Variants in PDGFA observed in about 807,000 individuals in gnomAD.
PDGFA encodes platelet derived growth factor subunit A.
In PDGFA, 9 loss-of-function variants were observed where a neutral mutation model predicts 25.6. The ratio of observed to expected loss-of-function variants is 0.35; its 90% CI spans 0.21 to 0.61. PDGFA has a LOEUF of 0.61. PDGFA is among the 20% of genes least tolerant of loss of function. The probability of loss-of-function intolerance (pLI) is 0.75; values close to 1 mark genes in which losing one functional copy is unlikely to be tolerated. For missense variants in PDGFA, 242 were observed against 272.8 expected, an observed-to-expected ratio of 0.89 and a Z score of 0.79; for synonymous variants, 133 against 111.8, an observed-to-expected ratio of 1.19 and a Z score of -1.20.
At chr7:502,599 C>T (rs562902459) in intron 4 of PDGFA, among the ~76,000 whole-genome samples, 1 of 152,334 alleles carries the variant, frequency 6.6e-6, no homozygotes, top group East Asian at 1.9e-4. Context: ...CCTCTTCGGA[C>T]TGGACTTTGC....
Position 505,618 on chromosome 7 carries a change from G to A in PDGFA, c.454-4376C>T, listed in dbSNP as rs895484491. Among the ~76,000 whole-genome samples the A allele has an allele frequency of 2.6e-5, 4 of 152,144 alleles. No homozygotes were observed. In the South Asian group the frequency reaches 6.2e-4, roughly 24 times the overall value. On this transcript the variant is annotated intron_variant, in intron 4 of 5. Transcript: ENST00000402802. The stretch of plus-strand genomic sequence containing the variant: ...ACACCTGACTGGACCGCACGTGCCC[G>A]TCACTGTAACCCTCACAGCTACCCT...
intron 2 of PDGFA, among the ~76,000 whole-genome samples, chr7:514,306 A>C (rs910910239): frequency 6.6e-6 from 1 of 152,158 alleles, no homozygotes; most frequent in Non-Finnish European, 1.5e-5. Context: ...GCCACCCTCT[A>C]GCCCTGGCTT....
In PDGFA at chr7:517,259, G is replaced by T; in HGVS notation, c.160+135C>A. 3.2e-6 allele frequency: 1 copy of T among 308,778 alleles called. No homozygotes were observed. Among genetic ancestry groups the T allele is most frequent in the Non-Finnish European group, 5.8e-6 (1 of 171,128 alleles). 19.1% of individuals were successfully genotyped at this position (308,778 alleles called of 1,614,324 possible). A position where few individuals can be genotyped will look rare whatever the true frequency, so the allele number is the denominator to read the frequency against. Reference sequence around the variant, plus strand: ...AGAGAAACTCCTGACTCATCCGCCCGGGCGCTTATGGCTGGGGATTGGATT... The same window carrying T: ...AGAGAAACTCCTGACTCATCCGCCCTGGCGCTTATGGCTGGGGATTGGATT... On this transcript the variant is annotated intron_variant, in intron 2 of 5. Coordinates refer to ENST00000402802, the Ensembl canonical transcript of PDGFA. This position sits in a 1 kb window ranked among gnomAD's most constrained non-coding sequence, Gnocchi z 7.4.
chr7:510,615 A>G (rs911678206), intron 4 of PDGFA, among the ~76,000 whole-genome samples, 194 bp downstream of exon 4: 165 of 2,360 alleles, frequency 0.07, no homozygotes, highest in Non-Finnish European at 0.086. Context: ...GGGAGGGGAG[A>G]GGAGGGGAGG....
At chr7:512,666 G>A (rs762211630) in intron 2 of PDGFA, 3 of 1,499,426 alleles carry the variant, frequency 2.0e-6, no homozygotes, top group African/African-American at 2.8e-5. Flanking sequence ...ATGAAACACT[G>A]GAAACCGCAG....
chr7:517,329 G>T lies in PDGFA; in HGVS notation c.160+65C>A. Reference sequence around the variant, plus strand: ...CTGCGCGGCGCCCCGCCCGGCCCCAGCTCGGGGCGCACAGGCCGCCCGCCC... The same window carrying T: ...CTGCGCGGCGCCCCGCCCGGCCCCATCTCGGGGCGCACAGGCCGCCCGCCC... On this transcript the variant is annotated intron_variant, in intron 2 of 5. Transcript: ENST00000402802. This position sits in a 1 kb window ranked among gnomAD's most constrained non-coding sequence, Gnocchi z 7.4. 2 of 684,054 alleles carry T rather than the reference G, an allele frequency of 2.9e-6. No homozygotes were observed. Among genetic ancestry groups the T allele is most frequent in the South Asian group, 3.4e-5 (1 of 29,592 alleles). 42.4% of individuals were successfully genotyped at this position (684,054 alleles called of 1,614,324 possible).
Position 506,680 on chromosome 7 carries a change from C to T in PDGFA, c.453+4129G>A, listed in dbSNP as rs113669893. On this transcript the variant is annotated intron_variant, in intron 4 of 5. Coordinates refer to ENST00000402802, the Ensembl canonical transcript of PDGFA. ...CCACACTCCTGTCCTACCCCCGAGG[C>T]TTGGGTCTGGGGGAGAGTCGGGCGT... 3.8e-3 allele frequency among the ~76,000 whole-genome samples: 578 copies of T among 152,294 alleles called. 3 individuals carry two copies. Among genetic ancestry groups the T allele is most frequent in the African/African-American group, 0.013 (540 of 41,552 alleles).
intron 4 of PDGFA, among the ~76,000 whole-genome samples, chr7:501,987 G>A (rs1353141246): frequency 1.3e-5 from 2 of 152,192 alleles, no homozygotes; most frequent in African/African-American, 4.8e-5. Flanking sequence ...CACTTTGGAA[G>A]GCCAAGGCGG....
intron 1 of PDGFA, among the ~76,000 whole-genome samples, chr7:518,672 AGGACACTGC>A (rs1407095814): frequency 6.6e-6 from 1 of 151,190 alleles, no homozygotes; most frequent in Admixed American, 6.6e-5. Flanking sequence ...TTCCCCGGAG[AGGACACTGC>A]GCCCCCCGAA....
chr7:500,646 TGCTCCCAGG>T lies in PDGFA; in HGVS notation c.580+461_580+469del. On this transcript the variant is annotated intron_variant, in intron 5 of 5. Transcript: ENST00000402802. This position sits in a 1 kb window ranked among gnomAD's most constrained non-coding sequence, Gnocchi z 5.0. ...ACCGAGAAACTTCTGAGTCCCCTCA[TGCTCCCAGG>T]GCCCAGCCATAGCAGGGCACAGAAG... 2 of 1,481,878 alleles carry T rather than the reference TGCTCCCAGG, an allele frequency of 1.3e-6. No individual in the cohort carries two copies. Among genetic ancestry groups the T allele is most frequent in the African/African-American group, 1.4e-5 (1 of 70,846 alleles). The allele number at this position is 1,481,878 out of a possible 1,614,324, so 91.8% of individuals were successfully genotyped here.
In PDGFA at chr7:510,752, GGGAGGGGAGAGGAGA is replaced by G. The variant is rs1782781031; in HGVS notation, c.453+42_453+56del. 1.4e-4 allele frequency: 68 copies of G among 498,358 alleles called. 1 individual carries two copies. In the Middle Eastern group the frequency reaches 2.5e-3, roughly 18 times the overall value. 30.9% of individuals were successfully genotyped at this position (498,358 alleles called of 1,614,324 possible). ...AGGAGGGGAGGGGAGAGGAGAGGAG[GGGAGGGGAGAGGAGA>G]GGAGGGGAGGGGAGGGGAGGGGAGG... On this transcript the variant is annotated intron_variant, in intron 4 of 5. Transcript: ENST00000402802.
chr7:508,768 A>ATCCC (rs931192473), intron 4 of PDGFA, among the ~76,000 whole-genome samples: 23 of 152,086 alleles, frequency 1.5e-4, no homozygotes, highest in African/African-American at 5.6e-4. Flanking sequence ...AAGAGAGCCC[A>ATCCC]TCCCTCCCAG....
intron 4 of PDGFA, among the ~76,000 whole-genome samples, chr7:505,714 G>A (rs944013512): frequency 6.6e-6 from 1 of 152,178 alleles, no homozygotes; most frequent in Admixed American, 6.5e-5. Flanking sequence ...CCCTTGCCCA[G>A]AGTCACACAG....
At chr7:506,474 T>G (rs1278309851) in intron 4 of PDGFA, among the ~76,000 whole-genome samples, 1 of 151,406 alleles carries the variant, frequency 6.6e-6, no homozygotes, top group East Asian at 1.9e-4. Flanking sequence ...GCTGGGAGCT[T>G]CTCACCCGTA....
rs565865496 is a variant in PDGFA, at chr7:499,851, T to G, written c.580+1265A>C. 2.6e-5 allele frequency among the ~76,000 whole-genome samples: 4 copies of G among 151,940 alleles called. No homozygotes were observed. In the South Asian group the frequency reaches 8.3e-4, roughly 32 times the overall value. ...TAGCCAGACAGAAGGCGGACACTGA[T>G]GATACCTCAAGACTACCCTCCCTGC... is the stretch of plus-strand genomic sequence containing the variant. On this transcript the variant is annotated intron_variant, in intron 5 of 5. Coordinates refer to ENST00000402802, the Ensembl canonical transcript of PDGFA.
In PDGFA at chr7:500,916, C is replaced by A. The variant is rs1405309145; in HGVS notation, c.580+200G>T. 2 of 1,587,438 alleles carry A rather than the reference C, an allele frequency of 1.3e-6. No individual in the cohort carries two copies. Among genetic ancestry groups the A allele is most frequent in the African/African-American group, 2.7e-5 (2 of 74,710 alleles). On this transcript the variant is annotated intron_variant, in intron 5 of 5. Coordinates refer to ENST00000402802, the Ensembl canonical transcript of PDGFA. This position sits in a 1 kb window ranked among gnomAD's most constrained non-coding sequence, Gnocchi z 5.0. ...TGCCAGTGCCGCAGCTTGGGCCACC[C>A]TCCCCACCGGACACCTGCAGGTGTG...
Position 510,804 on chromosome 7 carries a change from C to G in PDGFA, c.453+5G>C. 6.8e-7 allele frequency: 1 copy of G among 1,477,738 alleles called. No homozygotes were observed. Among genetic ancestry groups the G allele is most frequent in the Non-Finnish European group, 9.0e-7 (1 of 1,107,152 alleles). 91.5% of individuals were successfully genotyped at this position (1,477,738 alleles called of 1,614,324 possible). ...GAGGGGAGGGGAGGGGAGGGGAGGG[C>G]TCACCTTGACGCTGCGGTGGTGGAC... On this transcript the variant is annotated splice_donor_5th_base_variant and intron_variant, in intron 4 of 5. Coordinates refer to ENST00000402802, the Ensembl canonical transcript of PDGFA.
chr7:512,579 G>A, intron 2 of PDGFA, 124 bp from the exon 3 acceptor site: 2 of 1,548,846 alleles, frequency 1.3e-6, no homozygotes, highest in South Asian at 2.4e-5. Context: ...TGGCGGCACA[G>A]CCCCTCACAG....
intron 1 of PDGFA, chr7:518,294 TG>T (rs1783199929): frequency 6.8e-6 from 1 of 146,142 alleles, no homozygotes; most frequent in African/African-American, 2.6e-5. Flanking sequence ...ACGGGGGCTG[TG>T]GAAAGTCATT....
Sources: allele counts gnomAD v4.1 joint callset (sites outside exome capture counted in the v4.1 genomes callset), GRCh38; gene constraint gnomAD v4.1.1; non-coding constraint Gnocchi (gnomAD v3.1); transcripts MANE v1.5; gene names NCBI Gene and HGNC (gene_info 2026-07-23, HGNC 2026-07-21).